Variants in JAG2 observed in about 807,000 individuals in gnomAD.
The protein encoded by JAG2 is jagged canonical Notch ligand 2, also known as protein jagged-2.
In JAG2, 46 loss-of-function variants were observed where a neutral mutation model predicts 141.7. The observed-to-expected ratio is 0.32, with a 90% confidence interval of 0.26 to 0.42. The LOEUF is 0.42. JAG2 is among the 10% of genes least tolerant of loss of function. JAG2 has a pLI of 1.00. For missense variants in JAG2, 1,500 were observed against 1,817.5 expected (o/e 0.83, Z 3.18); for synonymous variants, 862 against 763.5 (o/e 1.13, Z -2.13).
intron 3 of JAG2, 99 bp downstream of exon 3, chr14:105,157,607 G>A: frequency 8.6e-7 from 1 of 1,163,464 alleles, no homozygotes; most frequent in South Asian, 1.3e-5. Flanking sequence ...GATCCTCAGG[G>A]TAAAGCAAGG....
At chr14:105,168,333 C>T in intron 1 of JAG2, 22 bp downstream of exon 1, 3 of 820,490 alleles carry the variant, frequency 3.7e-6, no homozygotes, top group Non-Finnish European at 3.0e-6. Context: ...GCGACCCCCG[C>T]CGCCCCCGCC....
At chr14:105,163,118 C>G (rs915128060) in intron 2 of JAG2, among the ~76,000 whole-genome samples, 1 of 152,226 alleles carries the variant, frequency 6.6e-6, no homozygotes, top group Admixed American at 6.5e-5. Flanking sequence ...CTCGGCCTCC[C>G]GCATCAGCCT....
Position 105,167,973 on chromosome 14 carries a change from G to A in JAG2, c.201C>T (p.Cys67=), listed in dbSNP as rs1420016396. The part of the protein sequence containing the change: ...TRAGGCGHDE[C]DTYVRVCLKE... ...TAAGGCACACGCGCACGTACGTGTCGCACTCGTCGTGGCCGCAGCCCCCCG... is the reference window on the plus strand; with the variant it reads ...TAAGGCACACGCGCACGTACGTGTCACACTCGTCGTGGCCGCAGCCCCCCG... The change falls in exon 2 of 26, where the codon TGC becomes TGT. Residue 67 remains cysteine, a synonymous_variant. Coordinates refer to ENST00000331782, the MANE Select transcript of JAG2 (RefSeq NM_002226.5). This position sits in a 1 kb window ranked among gnomAD's most constrained non-coding sequence, Gnocchi z 4.8. The A allele has an allele frequency of 6.2e-6, 10 of 1,603,652 alleles. No individual in the cohort carries two copies. The highest frequency in any genetic ancestry group is 1.3e-5 in the African/African-American group (1 of 74,302).
At position 105,150,769 on chromosome 14, in the gene JAG2, C is replaced by T. The variant is rs778372969; in HGVS notation, c.1437G>A (p.Val479=). ...GTGGGCACACACACTGGTACCCGTT[C>T]ACCAGGTCCTGGGCGGGCCAGCCAG... ...CQHGGTCKDL[V]NGYQCVCPRG... is the part of the protein sequence containing the mutation. The change falls in exon 12 of 26, where the codon GTG becomes GTA. Residue 479 remains valine, a synonymous_variant. Coordinates refer to ENST00000331782, the MANE Select transcript of JAG2 (RefSeq NM_002226.5). 3 of 1,587,720 alleles carry T rather than the reference C, an allele frequency of 1.9e-6. No individual in the cohort carries two copies. Among genetic ancestry groups the T allele is most frequent in the Non-Finnish European group, 1.7e-6 (2 of 1,167,662 alleles).
chr14:105,167,385 C>T lies in JAG2; in HGVS notation c.417+372G>A, dbSNP rs1223714549. Among the ~76,000 whole-genome samples the T allele has an allele frequency of 2.6e-5, 4 of 152,058 alleles. No individual in the cohort carries two copies. Among genetic ancestry groups the T allele is most frequent in the Non-Finnish European group, 5.9e-5 (4 of 67,980 alleles). On this transcript the variant is annotated intron_variant, in intron 2 of 25. Transcript: ENST00000331782. The surrounding 1 kb of genome is among the most constrained non-coding windows in gnomAD (Gnocchi z 4.8). Reference sequence around the variant, plus strand: ...CGGCTCAGTCAGGGCCTGCCCTAGACCAGCCCCAGCACGCGCTGCGCACAT... The same window carrying T: ...CGGCTCAGTCAGGGCCTGCCCTAGATCAGCCCCAGCACGCGCTGCGCACAT...
rs1489728693 is a variant in JAG2, at chr14:105,168,413, G to T, written c.8C>A (p.Ala3Glu). ...CCGGGGAAGGCGCCCCCGGCCCTGCGCCCGCATTGCCCCCGCGACCCGCCC... is the reference window on the plus strand; with the variant it reads ...CCGGGGAAGGCGCCCCCGGCCCTGCTCCCGCATTGCCCCCGCGACCCGCCC... MR[A>E]QGRGRLPRRL... Residue 3 changes from alanine (A) to glutamate (E), a missense_variant, in exon 1 of 26, where the codon GCG becomes GAG. This residue lies in a region of JAG2 where 200 missense variants were observed against 174.3 expected (regional missense o/e 1.15). Transcript: ENST00000331782. 4 of 935,994 alleles carry T rather than the reference G, an allele frequency of 4.3e-6. No homozygotes were observed. Among genetic ancestry groups the T allele is most frequent in the South Asian group, 8.1e-5 (2 of 24,760 alleles). The allele number at this position is 935,994 out of a possible 1,614,324, so 58.0% of individuals were successfully genotyped here.
At chr14:105,147,282 C>A (rs983449767) in intron 20 of JAG2, 44 bp downstream of exon 20, 58 of 1,492,006 alleles carry the variant, frequency 3.9e-5, no homozygotes, top group Non-Finnish European at 5.2e-5. Flanking sequence ...GACACCGCGG[C>A]TGGGCTGAGG....
At position 105,167,232 on chromosome 14, in the gene JAG2, C is replaced by T. The variant is rs1368071931; in HGVS notation, c.417+525G>A. On this transcript the variant is annotated intron_variant, in intron 2 of 25. Coordinates refer to ENST00000331782, the MANE Select transcript of JAG2 (RefSeq NM_002226.5). The surrounding 1 kb of genome is among the most constrained non-coding windows in gnomAD (Gnocchi z 4.8). ...TCTCTGAACGATCTTGGGTCACCAT[C>T]GGGGGCTTCTGCCGACATAAGCGTT... Among the ~76,000 whole-genome samples the T allele has an allele frequency of 6.6e-6, 1 of 152,238 alleles. No individual in the cohort carries two copies. The highest frequency in any genetic ancestry group is 2.4e-5 in the African/African-American group (1 of 41,476).
At chr14:105,152,401 C>T (rs1245134534) in intron 5 of JAG2, 110 bp from the exon 6 acceptor site, 4 of 1,330,630 alleles carry the variant, frequency 3.0e-6, no homozygotes, top group Non-Finnish European at 4.2e-6. Context: ...CGGGCGGCCT[C>T]AGGCCTTTGA....
In JAG2 at chr14:105,146,657, A is replaced by C; in HGVS notation, c.2547T>G (p.Tyr849Ter). Residue 849 changes from tyrosine to a stop codon, truncating the protein, a stop_gained, in exon 21 of 26, where the codon TAT becomes TAG. Coordinates refer to ENST00000331782, the MANE Select transcript of JAG2 (RefSeq NM_002226.5). LOFTEE classifies it high-confidence loss of function. Reference sequence around the variant, plus strand: ...CTCGGCCGGGTGGGCAGCTACAGCGATACCCGTTGATCTCATCCACACACG... The same window carrying C: ...CTCGGCCGGGTGGGCAGCTACAGCGCTACCCGTTGATCTCATCCACACACG... ...GATCVDEING[Y>*]RCSCPPGRAG... is the part of the protein sequence containing the mutation. The C allele has an allele frequency of 6.2e-7, 1 of 1,612,656 alleles. No homozygotes were observed. The highest frequency in any genetic ancestry group is 8.5e-7 in the Non-Finnish European group (1 of 1,179,876).
In JAG2 at chr14:105,148,962, G is replaced by C. The variant is rs919078684; in HGVS notation, c.1881C>G (p.Gly627=). The part of the protein sequence containing the change: ...GGNFSCICDS[G]FTGTYCHENI... ...TCTCATGGCAGTAGGTGCCAGTAAA[G>C]CCACTGTCACAGATGCAGGAAAAGT... is the stretch of plus-strand genomic sequence containing the variant. Residue 627 remains glycine, a synonymous_variant, in exon 14 of 26, where the codon GGC becomes GGG. Transcript: ENST00000331782. The C allele has an allele frequency of 1.2e-6, 2 of 1,607,256 alleles. No individual in the cohort carries two copies. Among genetic ancestry groups the C allele is most frequent in the African/African-American group, 2.7e-5 (2 of 74,804 alleles).
Position 105,152,152 on chromosome 14 carries a change from T to C in JAG2, c.919+9A>G. On this transcript the variant is annotated intron_variant, in intron 6 of 25. Transcript: ENST00000331782. ...GCAGAGCATTAGGCCTGCCGCCCCC[T>C]ACCACTACCTTTGTCACAGAGCAGG... The C allele has an allele frequency of 6.2e-7, 1 of 1,613,680 alleles. No individual in the cohort carries two copies. Among genetic ancestry groups the C allele is most frequent in the Non-Finnish European group, 8.5e-7 (1 of 1,179,992 alleles).
Position 105,147,578 on chromosome 14 carries a change from G to A in JAG2, c.2366-51C>T, listed in dbSNP as rs755568626. On this transcript the variant is annotated intron_variant, in intron 18 of 25. Coordinates refer to ENST00000331782, the MANE Select transcript of JAG2 (RefSeq NM_002226.5). ...GGATCAGTACCCACCCCCCAAGCGT[G>A]CCAGGCACTGTCCAGGCTGGCTTGG... 4.5e-6 allele frequency: 7 copies of A among 1,567,952 alleles called. No homozygotes were observed. In the East Asian group the frequency reaches 1.3e-4, roughly 30 times the overall value.
chr14:105,150,572 C>G, intron 12 of JAG2, 32 bp downstream of exon 12: 1 of 1,535,702 alleles, frequency 6.5e-7, no homozygotes, highest in Non-Finnish European at 8.8e-7. Flanking sequence ...CCCAGAGCAG[C>G]AGGTGGGGCA....
rs753968927 is a variant in JAG2, at chr14:105,151,313, C to G, written c.1237G>C (p.Glu413Gln). The change falls in exon 9 of 26, where the codon GAG becomes CAG. Residue 413 changes from glutamate to glutamine, a missense_variant. Coordinates refer to ENST00000331782, the MANE Select transcript of JAG2 (RefSeq NM_002226.5). ...TGGCAGGTGGCCCCCACCCACTGCT[C>G]GGGGCAGATGCACTCAAAGCCGTCC... ...QVDGFECICPEQWVGATCQLD... is the reference protein window; with the variant it reads ...QVDGFECICPQQWVGATCQLD... The G allele has an allele frequency of 6.2e-7, 1 of 1,612,690 alleles. No individual in the cohort carries two copies. The highest frequency in any genetic ancestry group is 1.7e-5 in the Admixed American group (1 of 60,004).
In JAG2 at chr14:105,149,150, C is replaced by A; in HGVS notation, c.1753+20G>T. ...CCCTGCCCCACCACCTCCCCCACCA[C>A]CCCATGCCGCACCCAGCACCTCTGC... On this transcript the variant is annotated intron_variant, in intron 13 of 25. Coordinates refer to ENST00000331782, the MANE Select transcript of JAG2 (RefSeq NM_002226.5). 3 of 1,608,362 alleles carry A rather than the reference C, an allele frequency of 1.9e-6. No homozygotes were observed. Among genetic ancestry groups the A allele is most frequent in the Non-Finnish European group, 2.5e-6 (3 of 1,178,752 alleles).
In JAG2 at chr14:105,154,704, C is replaced by T. The variant is rs910125487; in HGVS notation, c.788+858G>A. Among the ~76,000 whole-genome samples, 5 of 152,244 alleles carry T rather than the reference C, an allele frequency of 3.3e-5. No individual in the cohort carries two copies. Among genetic ancestry groups the T allele is most frequent in the Admixed American group, 1.3e-4 (2 of 15,302 alleles). ...CCGTCACCGCCTGAATGCCACCCCC[C>T]ACAGGCCCCGCGTGGCGCAGGCCAG... On this transcript the variant is annotated intron_variant, in intron 5 of 25. Coordinates refer to ENST00000331782, the MANE Select transcript of JAG2 (RefSeq NM_002226.5). This position sits in a 1 kb window ranked among gnomAD's most constrained non-coding sequence, Gnocchi z 4.4.
chr14:105,161,292 A>G (rs587675298), intron 2 of JAG2, among the ~76,000 whole-genome samples: 163 of 151,998 alleles, frequency 1.1e-3, no homozygotes, highest in African/African-American at 3.7e-3. Context: ...GACAGGAACC[A>G]GCAGGACCAG....
At chr14:105,155,035 C>G (rs1231325505) in intron 5 of JAG2, among the ~76,000 whole-genome samples, 2 of 146,706 alleles carry the variant, frequency 1.4e-5, no homozygotes, top group Non-Finnish European at 3.0e-5. Flanking sequence ...GCGGCCTCCC[C>G]CTCACAGCCT....
Sources: allele counts gnomAD v4.1 joint callset (sites outside exome capture counted in the v4.1 genomes callset), GRCh38; gene constraint gnomAD v4.1.1; regional missense constraint gnomAD v4.1.1; non-coding constraint Gnocchi (gnomAD v3.1); transcripts MANE v1.5; gene names NCBI Gene and HGNC (gene_info 2026-07-23, HGNC 2026-07-21).